The following VWF variants were observed in gnomAD, a reference collection of about 807,000 sequenced individuals.
VWF encodes Factor VIII related antigen.
A neutral mutation model predicts 308.6 loss-of-function variants in VWF; 176 were observed. The ratio of observed to expected loss-of-function variants is 0.57; its 90% CI spans 0.50 to 0.65. The LOEUF is 0.65. Ranked by LOEUF, VWF falls within the 30% of genes least tolerant of loss-of-function variation. The probability of loss-of-function intolerance (pLI) is 0.00; values close to 1 mark genes in which losing one functional copy is unlikely to be tolerated. For missense variants in VWF, 3,146 were observed against 3,648.2 expected, an observed-to-expected ratio of 0.86 and a Z score of 3.55; for synonymous variants, 1,385 against 1,443.4, an observed-to-expected ratio of 0.96 and a Z score of 0.92.
chr12:6,055,337 C>A (rs903778945), intron 15 of VWF, among the ~76,000 whole-genome samples: 1 of 152,206 alleles, frequency 6.6e-6, no homozygotes, highest in Non-Finnish European at 1.5e-5. Context: ...ATTCACTCCT[C>A]ATTACTTTCC....
At chr12:6,103,055 T>C (rs1006356960) in intron 5 of VWF, among the ~76,000 whole-genome samples, 3 of 152,040 alleles carry the variant, frequency 2.0e-5, no homozygotes, top group South Asian at 2.1e-4. Flanking sequence ...CGGCCAGGCG[T>C]GGTGGCTCAT....
chr12:5,983,941 C>T (rs1943643035), intron 40 of VWF, among the ~76,000 whole-genome samples: 1 of 147,134 alleles, frequency 6.8e-6, no homozygotes, highest in Admixed American at 6.8e-5. Flanking sequence ...AGAGATAGGA[C>T]AGATGATAAA....
intron 10 of VWF, among the ~76,000 whole-genome samples, chr12:6,067,322 C>T (rs913670359): frequency 7.9e-5 from 12 of 152,196 alleles, no homozygotes; most frequent in Non-Finnish European, 4.4e-5. Flanking sequence ...GGGAATTCTT[C>T]CCCCTGCCTT....
chr12:5,967,994 G>T, intron 46 of VWF, 133 bp downstream of exon 46: 1 of 1,257,744 alleles, frequency 8.0e-7, no homozygotes, highest in Non-Finnish European at 1.1e-6. Flanking sequence ...CGTCCCACAG[G>T]CAGTGGAAAG....
rs374168097 is a variant in VWF, at chr12:6,078,743, G to A, written c.658-3192C>T. ...CAGCAGGACACAGTACCAGCCAAGG[G>A]AAAGAAGAGACCCAGGAATCCAGGC... On this transcript the variant is annotated intron_variant, in intron 6 of 51. Coordinates refer to ENST00000261405, the MANE Select transcript of VWF (RefSeq NM_000552.5). Among the ~76,000 whole-genome samples the A allele has an allele frequency of 3.9e-5, 6 of 152,240 alleles. No homozygotes were observed. In the East Asian group the frequency reaches 1.2e-3, roughly 29 times the overall value.
rs1233366125 is a variant in VWF at position 6,123,139 on chromosome 12, T to C, written c.55+3A>G. 1.2e-6 allele frequency: 2 copies of C among 1,614,014 alleles called. No homozygotes were observed. The highest frequency in any genetic ancestry group is 3.3e-5 in the Admixed American group (2 of 59,988). On this transcript the variant is annotated splice_donor_region_variant and intron_variant, in intron 2 of 51. Transcript: ENST00000261405. Reference sequence around the variant, plus strand: ...TGAGAAATGGAGGCCCTTTTGTACCTACCTGGCAAAATGAGGGCCAGAGCA... The same window carrying C: ...TGAGAAATGGAGGCCCTTTTGTACCCACCTGGCAAAATGAGGGCCAGAGCA...
At chr12:6,111,830 C>T (rs1009591457) in intron 3 of VWF, among the ~76,000 whole-genome samples, 1 of 151,986 alleles carries the variant, frequency 6.6e-6, no homozygotes, top group Admixed American at 6.6e-5. Flanking sequence ...AGGTGGCTGG[C>T]GTCTGTGGTC....
rs1169258312 is a variant in VWF at position 6,046,655 on chromosome 12, C to T, written c.2281+68G>A. The T allele has an allele frequency of 9.5e-6, 14 of 1,480,066 alleles. No homozygotes were observed. In the East Asian group the frequency reaches 1.8e-4, roughly 19 times the overall value. 91.7% of individuals were successfully genotyped at this position (1,480,066 alleles called of 1,614,324 possible). Reference sequence around the variant, plus strand: ...CTGACGGTGTCACCCAGCTCTCTCCCGCCATTCCACACGTGAGGAATCTGG... The same window carrying T: ...CTGACGGTGTCACCCAGCTCTCTCCTGCCATTCCACACGTGAGGAATCTGG... On this transcript the variant is annotated intron_variant, in intron 17 of 51. Coordinates refer to ENST00000261405, the MANE Select transcript of VWF (RefSeq NM_000552.5). This position sits in a 1 kb window ranked among gnomAD's most constrained non-coding sequence, Gnocchi z 5.0.
chr12:6,045,776 G>A (rs1944441195), intron 17 of VWF, among the ~76,000 whole-genome samples: 1 of 152,242 alleles, frequency 6.6e-6, no homozygotes, highest in Admixed American at 6.5e-5. Flanking sequence ...GCTGGAGATT[G>A]AAGATAGCCA....
At position 6,020,347 on chromosome 12, in the gene VWF, A is replaced by G. The variant is rs1020384179; in HGVS notation, c.3675-604T>C. Among the ~76,000 whole-genome samples the G allele has an allele frequency of 1.2e-4, 19 of 152,250 alleles. No homozygotes were observed. Among genetic ancestry groups the G allele is most frequent in the Admixed American group, 3.3e-4 (5 of 15,290 alleles). ...AAACCCCAGCTTTATCTAGCAGAAC[A>G]AATTATTTGGGAGTAGCAGACAGGG... On this transcript the variant is annotated intron_variant, in intron 27 of 51. Coordinates refer to ENST00000261405, the MANE Select transcript of VWF (RefSeq NM_000552.5). The surrounding 1 kb of genome is among the most constrained non-coding windows in gnomAD (Gnocchi z 4.3).
chr12:6,085,288 G>C (rs1944956101), intron 6 of VWF, among the ~76,000 whole-genome samples: 1 of 152,226 alleles, frequency 6.6e-6, no homozygotes, highest in Non-Finnish European at 1.5e-5. Flanking sequence ...CATCAGCTCT[G>C]TGACAGGAGC....
intron 42 of VWF, among the ~76,000 whole-genome samples, chr12:5,976,919 GA>G (rs1943540313): frequency 6.6e-6 from 1 of 152,210 alleles, no homozygotes. Flanking sequence ...TTGGAATGAG[GA>G]GCTAAGGAAG....
chr12:6,112,593 CTT>C (rs1945319487), intron 3 of VWF, among the ~76,000 whole-genome samples: 1 of 152,184 alleles, frequency 6.6e-6, no homozygotes, highest in African/African-American at 2.4e-5. Flanking sequence ...GCAAATCTCT[CTT>C]CTCCTAGAAG....
intron 26 of VWF, among the ~76,000 whole-genome samples, chr12:6,022,372 A>C (rs1944138632): frequency 6.6e-6 from 1 of 152,158 alleles, no homozygotes; most frequent in African/African-American, 2.4e-5. Flanking sequence ...ATCGTCACAA[A>C]CTGCGTGTGG....
Position 6,013,612 on chromosome 12 carries a change from C to A in VWF, c.5489G>T (p.Arg1830Leu). The change falls in exon 32 of 52, where the codon CGC becomes CTC. Residue 1830 changes from arginine (R) to leucine (L), a missense_variant. By Grantham distance (102) the Arg-to-Leu change is moderately radical (BLOSUM62 -2). Around this residue, in one of 3 missense-constraint regions of VWF, gnomAD observed 853 missense variants for 1,177.8 expected, o/e 0.72. Coordinates refer to ENST00000261405, the MANE Select transcript of VWF (RefSeq NM_000552.5). The stretch of plus-strand genomic sequence containing the variant: ...GATCCGTAGCTGGGCTGCATCGTAG[C>A]GATCTCCAATTCCAATAGGGAACAC... Reference protein sequence around the residue: ...VTVFPIGIGDRYDAAQLRILA... With the variant: ...VTVFPIGIGDLYDAAQLRILA... 2 of 1,613,574 alleles carry A rather than the reference C, an allele frequency of 1.2e-6. No individual in the cohort carries two copies. The highest frequency in any genetic ancestry group is 1.7e-6 in the Non-Finnish European group (2 of 1,179,888).
Position 6,025,562 on chromosome 12 carries a change from T to C in VWF, c.3222+18A>G. On this transcript the variant is annotated intron_variant, in intron 24 of 51. Transcript: ENST00000261405. ...AGCCTTGGGACCGTCTGCTTCCCACTACCCTCAAGGTCCTCACCAGCTTGT... is the reference window on the plus strand; with the variant it reads ...AGCCTTGGGACCGTCTGCTTCCCACCACCCTCAAGGTCCTCACCAGCTTGT... 6.7e-7 allele frequency: 1 copy of C among 1,493,938 alleles called. No homozygotes were observed. Among genetic ancestry groups the C allele is most frequent in the South Asian group, 1.1e-5 (1 of 88,232 alleles). 92.5% of individuals were successfully genotyped at this position (1,493,938 alleles called of 1,614,324 possible).
intron 5 of VWF, among the ~76,000 whole-genome samples, chr12:6,108,119 C>T (rs1945263399): frequency 6.6e-6 from 1 of 151,476 alleles, no homozygotes; most frequent in Admixed American, 6.6e-5. Context: ...CATGCTGAAA[C>T]CTCATCTCTA....
rs1368209961 is a variant in VWF, at chr12:6,044,469, C to T, written c.2282-18G>A. 7 of 1,613,168 alleles carry T rather than the reference C, an allele frequency of 4.3e-6. No individual in the cohort carries two copies. Among genetic ancestry groups the T allele is most frequent in the Non-Finnish European group, 5.9e-6 (7 of 1,179,642 alleles). The stretch of plus-strand genomic sequence containing the variant: ...CCTTTTGCCTCGAAGGTAGGAAAAG[C>T]AAAGAGATGATTAGTGAAGGAGAGA... On this transcript the variant is annotated intron_variant, in intron 17 of 51. Transcript: ENST00000261405.
At chr12:6,118,225 T>G (rs1945390489) in intron 3 of VWF, among the ~76,000 whole-genome samples, 1 of 151,950 alleles carries the variant, frequency 6.6e-6, no homozygotes, top group South Asian at 2.1e-4. Context: ...TGCCTGGGAC[T>G]AAGGTATTAG....
Sources: gnomAD v4.1 joint callset for allele counts (sites outside exome capture counted in the v4.1 genomes callset) on GRCh38, gnomAD v4.1.1 for gene constraint, gnomAD v4.1.1 regional missense constraint, Gnocchi (gnomAD v3.1) non-coding constraint, MANE v1.5 for transcripts, NCBI Gene and HGNC (gene_info 2026-07-23, HGNC 2026-07-21) for gene names.